The following TMEM260 variants were observed in gnomAD, a reference collection of about 807,000 sequenced individuals.
TMEM260 encodes the protein protein O-mannosyl-transferase TMEM260.
Under a neutral mutation model 88.9 loss-of-function variants are expected in TMEM260, and 82 were observed. The observed-to-expected ratio is 0.92, with a 90% CI of 0.77 to 1.11. TMEM260 has a LOEUF of 1.11. Ranked by LOEUF, TMEM260 falls within the 50% of genes least tolerant of loss-of-function variation. TMEM260 has a pLI of 0.00. For synonymous variants in TMEM260, 314 were observed against 309.3 expected (o/e 1.02, Z -0.16); for missense variants, 902 against 853.4 (o/e 1.06, Z -0.71).
Position 56,633,111 on chromosome 14 carries a change from A to G in TMEM260, c.1664A>G (p.Asn555Ser), listed in dbSNP as rs1888744084. The change falls in exon 13 of 16, where the codon AAC becomes AGC. Residue 555 changes from asparagine (N) to serine (S), a missense_variant. By Grantham distance (46) the Asn-to-Ser change is conservative. Transcript: ENST00000261556. ...DKLVPLEIVF[N>S]PEEWIKLTKS... is the part of the protein sequence containing the mutation. ...TTAGTTCCTTTGGAGATTGTATTCAACCCTGAGGAATGGATTAAACTTACA... is the reference window on the plus strand; with the variant it reads ...TTAGTTCCTTTGGAGATTGTATTCAGCCCTGAGGAATGGATTAAACTTACA... The G allele has an allele frequency of 1.2e-6, 2 of 1,613,784 alleles. No individual in the cohort carries two copies. The highest frequency in any genetic ancestry group is 1.3e-5 in the African/African-American group (1 of 75,034).
intron 3 of TMEM260, among the ~76,000 whole-genome samples, chr14:56,597,943 T>C (rs912957187): frequency 7.9e-5 from 12 of 152,072 alleles, no homozygotes; most frequent in African/African-American, 2.9e-4. Context: ...GAAAAGAGAA[T>C]GAGAAATTAA....
chr14:56,609,108 A>G lies in TMEM260; in HGVS notation c.639A>G (p.Glu213=). Residue 213 remains glutamate, a splice_region_variant and synonymous_variant, in exon 6 of 16, where the codon GAA becomes GAG. Transcript: ENST00000261556. Reference sequence around the variant, plus strand: ...CCACCCAATGTGCTCTGATGCAGGAACTCTCCCTGGGCTCTTTGTTGAAGT... The same window carrying G: ...CCACCCAATGTGCTCTGATGCAGGAGCTCTCCCTGGGCTCTTTGTTGAAGT... ...WILFQLLKKK[E]LSLGSLLKLS... 1 of 1,612,446 alleles carries G rather than the reference A, an allele frequency of 6.2e-7. No individual in the cohort carries two copies. Among genetic ancestry groups the G allele is most frequent in the South Asian group, 1.1e-5 (1 of 90,842 alleles).
At chr14:56,660,842 A>G in the TMEM260 span, among the ~76,000 whole-genome samples, 1 of 152,178 alleles carries the variant, frequency 6.6e-6, no homozygotes, top group East Asian at 1.9e-4. Flanking sequence ...TTTCTTATGT[A>G]AACTCTTAAT....
chr14:56,587,434 T>C (rs1885575811), intron 3 of TMEM260, among the ~76,000 whole-genome samples: 1 of 151,986 alleles, frequency 6.6e-6, no homozygotes, highest in African/African-American at 2.4e-5. Flanking sequence ...TCTTAAAAAT[T>C]TACAGAATCT....
At chr14:56,636,912 G>C (rs1441279006) in intron 15 of TMEM260, among the ~76,000 whole-genome samples, 3 of 152,200 alleles carry the variant, frequency 2.0e-5, no homozygotes, top group Admixed American at 2.0e-4. Flanking sequence ...TGAGACAGGG[G>C]GTTACCCCAG....
intron 4 of TMEM260, among the ~76,000 whole-genome samples, 180 bp from the exon 5 acceptor site, chr14:56,605,390 T>C (rs1340508608): frequency 6.6e-6 from 1 of 152,166 alleles, no homozygotes; most frequent in African/African-American, 2.4e-5. Context: ...TTGGAAAATA[T>C]TAACAAAAAT....
chr14:56,594,773 A>C (rs1462532283), intron 3 of TMEM260, among the ~76,000 whole-genome samples: 2 of 152,236 alleles, frequency 1.3e-5, no homozygotes, highest in Non-Finnish European at 2.9e-5. Flanking sequence ...TTTAAAAGAA[A>C]GATTACTTAA....
At chr14:56,635,146 G>GTTAT (rs1888944389) in intron 14 of TMEM260, among the ~76,000 whole-genome samples, 194 bp downstream of exon 14, 2 of 152,144 alleles carry the variant, frequency 1.3e-5, no homozygotes. Flanking sequence ...AACCTCTGAG[G>GTTAT]TTATTTTGAT....
At chr14:56,591,968 T>C (rs1252791929) in intron 3 of TMEM260, among the ~76,000 whole-genome samples, 1 of 152,212 alleles carries the variant, frequency 6.6e-6, no homozygotes, top group Non-Finnish European at 1.5e-5. Flanking sequence ...ATTCCTAACC[T>C]TACTCCCTGC....
chr14:56,607,620 G>A (rs562415498), intron 5 of TMEM260, among the ~76,000 whole-genome samples: 2 of 149,516 alleles, frequency 1.3e-5, no homozygotes, highest in Non-Finnish European at 1.5e-5. Context: ...TTGTTTGTGT[G>A]TATATATACA....
chr14:56,591,599 C>A (rs911049745), intron 3 of TMEM260, among the ~76,000 whole-genome samples: 1 of 152,178 alleles, frequency 6.6e-6, no homozygotes, highest in African/African-American at 2.4e-5. Context: ...TTCAGTCTTG[C>A]TCCTGAATGC....
the TMEM260 span, among the ~76,000 whole-genome samples, chr14:56,657,406 G>A: frequency 2.0e-5 from 3 of 152,144 alleles, no homozygotes; most frequent in Non-Finnish European, 2.9e-5. Flanking sequence ...CCTCCTAAAA[G>A]TGTTGGGATT....
the TMEM260 span, among the ~76,000 whole-genome samples, chr14:56,656,698 T>G: frequency 6.6e-6 from 1 of 152,162 alleles, no homozygotes; most frequent in Non-Finnish European, 1.5e-5. Context: ...TAAAAACGTC[T>G]TTACTAAATA....
intron 13 of TMEM260, 28 bp downstream of exon 13, chr14:56,633,199 A>G (rs1566568584): frequency 6.4e-7 from 1 of 1,562,428 alleles, no homozygotes; most frequent in Non-Finnish European, 8.7e-7. Flanking sequence ...ATTTTGATGC[A>G]TATAAACATA....
intron 12 of TMEM260, among the ~76,000 whole-genome samples, chr14:56,626,346 A>G (rs527937584): frequency 1.9e-4 from 29 of 152,308 alleles, no homozygotes; most frequent in African/African-American, 7.0e-4. Context: ...TATTCTAGAT[A>G]AAATATTAGG....
In TMEM260 at chr14:56,580,088, A is replaced by G. The variant is rs973129351; in HGVS notation, c.160+14A>G. On this transcript the variant is annotated intron_variant, in intron 1 of 15. Transcript: ENST00000261556. ...GGGGAGACTCCGGTAAAGTACTCGC[A>G]GGGTTGCCCCTTCTGTCCCTCTCCC... 6 of 1,250,076 alleles carry G rather than the reference A, an allele frequency of 4.8e-6. No homozygotes were observed. The highest frequency in any genetic ancestry group is 5.1e-6 in the Non-Finnish European group (5 of 989,410). 77.4% of individuals were successfully genotyped at this position (1,250,076 alleles called of 1,614,324 possible).
chr14:56,611,638 G>GA (rs1251603219), intron 6 of TMEM260, among the ~76,000 whole-genome samples: 1 of 152,178 alleles, frequency 6.6e-6, no homozygotes, highest in Non-Finnish European at 1.5e-5. Flanking sequence ...GGCGATTTCT[G>GA]AAAGAACTTG....
At chr14:56,602,021 A>G (rs1182428272) in intron 3 of TMEM260, among the ~76,000 whole-genome samples, 2 of 152,164 alleles carry the variant, frequency 1.3e-5, no homozygotes, top group Non-Finnish European at 2.9e-5. Flanking sequence ...TAATATTGAT[A>G]TATGAAACAT....
chr14:56,621,484 T>C, intron 10 of TMEM260, 47 bp from the exon 11 acceptor site: 1 of 1,438,254 alleles, frequency 7.0e-7, no homozygotes. Flanking sequence ...TTATTAAAAC[T>C]GTAGCAAAGT....
Sources: allele counts gnomAD v4.1 joint callset (sites outside exome capture counted in the v4.1 genomes callset), GRCh38; gene constraint gnomAD v4.1.1; transcripts MANE v1.5; gene names NCBI Gene and HGNC (gene_info 2026-07-23, HGNC 2026-07-21).